MEF2C: variants seen among roughly 807,000 people sequenced by gnomAD.
MEF2C encodes myocyte-specific enhancer factor 2C.
Under a neutral mutation model 50.5 loss-of-function variants are expected in MEF2C, and 6 were observed. The ratio of observed to expected loss-of-function variants is 0.12; its 90% CI spans 0.07 to 0.23. The LOEUF (loss-of-function observed/expected upper bound fraction) is 0.23. Ranked by LOEUF, MEF2C falls within the 10% of genes least tolerant of loss-of-function variation. The probability of loss-of-function intolerance (pLI) is 1.00; values close to 1 mark genes in which losing one functional copy is unlikely to be tolerated. For missense variants in MEF2C, 276 were observed against 605.0 expected, an observed-to-expected ratio of 0.46 and a Z score of 5.70; for synonymous variants, 183 against 228.0, an observed-to-expected ratio of 0.80 and a Z score of 1.78.
intron 3 of MEF2C, among the ~76,000 whole-genome samples, chr5:88,769,070 T>G (rs1467830259): frequency 6.6e-6 from 1 of 152,120 alleles, no homozygotes; most frequent in Non-Finnish European, 1.5e-5. Context: ...GGCACAGAAT[T>G]TTCAGCATGG....
At chr5:88,763,656 CTTT>C (rs1216067217) in intron 3 of MEF2C, among the ~76,000 whole-genome samples, 4 of 141,306 alleles carry the variant, frequency 2.8e-5, no homozygotes, top group Admixed American at 7.1e-5. Context: ...TTCTTTCTTT[CTTT>C]TTTTTTTTTT....
upstream of MEF2C, among the ~76,000 whole-genome samples, chr5:88,884,794 C>A (rs1172620308): frequency 7.8e-6 from 1 of 128,044 alleles, no homozygotes; most frequent in Non-Finnish European, 1.6e-5. Context: ...AAACACTTTT[C>A]CTTACAAAAA....
At chr5:88,799,901 CACACACACACACAGAGAG>C (rs796148970) in intron 3 of MEF2C, among the ~76,000 whole-genome samples, 27 of 94,630 alleles carry the variant, frequency 2.9e-4, no homozygotes, top group African/African-American at 6.9e-4. Context: ...CACACACACA[CACACACACACACAGAGAG>C]AGAGACACAC....
intron 1 of MEF2C, among the ~76,000 whole-genome samples, chr5:88,865,894 CTTTTT>C (rs373415690): frequency 6.9e-6 from 1 of 143,976 alleles, no homozygotes; most frequent in Non-Finnish European, 1.5e-5. Flanking sequence ...CATTTCTTTT[CTTTTT>C]TTTTTTTTTC....
At chr5:88,780,151 AAAAAAAGAAAAAG>A (rs1219705239) in intron 3 of MEF2C, among the ~76,000 whole-genome samples, 1 of 152,124 alleles carries the variant, frequency 6.6e-6, no homozygotes, top group Non-Finnish European at 1.5e-5. Flanking sequence ...CATCTCGAAA[AAAAAAAGAAAAAG>A]AAAAAAGAAA....
chr5:88,770,009 G>A (rs1781672473), intron 3 of MEF2C: 3 of 985,312 alleles, frequency 3.0e-6, no homozygotes, highest in Non-Finnish European at 3.6e-6. Context: ...GAATCAAGTT[G>A]TAGGTTGTTT....
intron 6 of MEF2C, chr5:88,739,481 C>A: frequency 1.0e-6 from 1 of 962,562 alleles, no homozygotes; most frequent in Non-Finnish European, 1.2e-6. Flanking sequence ...AAGTTAGTTT[C>A]CAATATCAGG....
At chr5:88,846,040 C>T (rs778000793) in intron 1 of MEF2C, among the ~76,000 whole-genome samples, 15 of 151,538 alleles carry the variant, frequency 9.9e-5, no homozygotes, top group Non-Finnish European at 1.5e-4. Flanking sequence ...CATATTTACT[C>T]CTATAATAAA....
At chr5:88,829,347 T>C (rs925887456) in intron 1 of MEF2C, among the ~76,000 whole-genome samples, 16 of 151,998 alleles carry the variant, frequency 1.1e-4, no homozygotes, top group African/African-American at 3.9e-4. Context: ...TGACATCGAA[T>C]TTCCCTCTCA....
chr5:88,760,928 G>A (rs1561873697), intron 4 of MEF2C: 2 of 1,542,790 alleles, frequency 1.3e-6, no homozygotes, highest in Non-Finnish European at 1.7e-6. Flanking sequence ...TCACTGAGAG[G>A]GTTAAGGTAT....
At chr5:88,840,257 C>G (rs1449548830) in intron 1 of MEF2C, among the ~76,000 whole-genome samples, 1 of 152,200 alleles carries the variant, frequency 6.6e-6, no homozygotes, top group Non-Finnish European at 1.5e-5. Context: ...TACTTTATGT[C>G]CACTCCTCTT....
intron 6 of MEF2C, chr5:88,743,777 T>G (rs1374630039): frequency 1.0e-6 from 1 of 985,256 alleles, no homozygotes. Context: ...TTAGCTGACA[T>G]AAATTAAGCA....
chr5:88,843,790 T>A lies in MEF2C; in HGVS notation c.-142-19860A>T, dbSNP rs186966963. 3.3e-5 allele frequency among the ~76,000 whole-genome samples: 5 copies of A among 151,498 alleles called. No individual in the cohort carries two copies. In the South Asian group the frequency reaches 8.3e-4, roughly 25 times the overall value. On this transcript the variant is annotated intron_variant, in intron 1 of 10. Coordinates refer to ENST00000504921, the MANE Select transcript of MEF2C (RefSeq NM_002397.5). ...CAACGTCTTAATTTGTGTTTGATTG[T>A]TTGTTCCTGTGAAACTTTTTTTTTT... is the stretch of plus-strand genomic sequence containing the variant.
At chr5:88,859,307 T>C (rs939545624) in intron 1 of MEF2C, among the ~76,000 whole-genome samples, 1 of 152,218 alleles carries the variant, frequency 6.6e-6, no homozygotes, top group Non-Finnish European at 1.5e-5. Context: ...TAATGGTATG[T>C]TAGAGTCTTT....
chr5:88,903,088 C>T, intron 1 of MEF2C, among the ~76,000 whole-genome samples: 1 of 151,778 alleles, frequency 6.6e-6, no homozygotes, highest in East Asian at 1.9e-4. Flanking sequence ...AACATGTGGT[C>T]TCATTTTTTC....
intron 2 of MEF2C, chr5:88,819,265 CAT>C (rs751799178): frequency 3.7e-6 from 3 of 820,054 alleles, no homozygotes; most frequent in Non-Finnish European, 4.4e-6. Flanking sequence ...TGCATCATGA[CAT>C]AATTTTAAAA....
At chr5:88,803,019 T>C (rs957824511) in intron 3 of MEF2C, among the ~76,000 whole-genome samples, 3 of 152,312 alleles carry the variant, frequency 2.0e-5, no homozygotes, top group Non-Finnish European at 4.4e-5. Context: ...TTTTAGTAAA[T>C]AGTTGTTTTG....
intron 2 of MEF2C, among the ~76,000 whole-genome samples, chr5:88,819,845 GTAGTTGAGACAAAAAC>G (rs1807402612): frequency 6.6e-6 from 1 of 151,910 alleles, no homozygotes; most frequent in African/African-American, 2.4e-5. Context: ...GCAGAGCTGA[GTAGTTGAGACAAAAAC>G]TATATGGCTC....
intron 1 of MEF2C, among the ~76,000 whole-genome samples, chr5:88,896,166 C>T (rs1835095277): frequency 6.6e-6 from 1 of 152,170 alleles, no homozygotes; most frequent in South Asian, 2.1e-4. Flanking sequence ...AACTCTCTAT[C>T]AGCAAAATAT....
Sources: allele counts gnomAD v4.1 joint callset (sites outside exome capture counted in the v4.1 genomes callset), GRCh38; gene constraint gnomAD v4.1.1; transcripts MANE v1.5; gene names NCBI Gene and HGNC (gene_info 2026-07-23, HGNC 2026-07-21).